RNLS: variants seen among roughly 807,000 people sequenced by gnomAD.
RNLS encodes renalase.
A neutral mutation model predicts 39.8 loss-of-function variants in RNLS; 39 were observed. The ratio of observed to expected loss-of-function variants is 0.98; its 90% CI spans 0.76 to 1.28. RNLS has a LOEUF of 1.28. Among genes scored for constraint, RNLS ranks in the 50% most tolerant of loss-of-function variants. The probability of loss-of-function intolerance (pLI) is 0.00; values close to 1 mark genes in which losing one functional copy is unlikely to be tolerated. For synonymous variants in RNLS, 147 were observed against 150.7 expected (o/e 0.98, Z 0.18); for missense variants, 410 against 413.3 (o/e 0.99, Z 0.07).
intron 4 of RNLS, among the ~76,000 whole-genome samples, chr10:88,495,395 A>T (rs1234452099): frequency 1.3e-5 from 2 of 152,166 alleles, no homozygotes; most frequent in Non-Finnish European, 2.9e-5. Flanking sequence ...TATGACAAGG[A>T]GGCTTTGGGT....
the RNLS span, among the ~76,000 whole-genome samples, chr10:88,238,713 A>AT: frequency 2.6e-5 from 4 of 152,200 alleles, no homozygotes; most frequent in African/African-American, 7.2e-5. Context: ...TGGAGCCAAC[A>AT]TGTTTTATGA....
chr10:88,566,936 C>T (rs1849533920), intron 4 of RNLS, among the ~76,000 whole-genome samples: 1 of 151,342 alleles, frequency 6.6e-6, no homozygotes, highest in Non-Finnish European at 1.5e-5. Flanking sequence ...TTACTGGGCT[C>T]AAAGATAAAA....
At chr10:88,257,326 G>A in the RNLS span, among the ~76,000 whole-genome samples, 1 of 152,202 alleles carries the variant, frequency 6.6e-6, no homozygotes, top group African/African-American at 2.4e-5. Context: ...CATGTCAGGA[G>A]AATGGTAGGA....
chr10:88,183,894 G>A, the RNLS span, among the ~76,000 whole-genome samples: 300 of 152,220 alleles, frequency 2.0e-3, 2 homozygotes, highest in South Asian at 6.6e-3. Context: ...AGACTTTTGC[G>A]GATCAACTAG....
chr10:88,415,984 T>C (rs1853999214), intron 4 of RNLS, among the ~76,000 whole-genome samples: 1 of 152,184 alleles, frequency 6.6e-6, no homozygotes. Context: ...CCTTCCACTT[T>C]CAGTGTTCTG....
At chr10:88,529,058 T>A (rs1197834586) in intron 4 of RNLS, among the ~76,000 whole-genome samples, 1 of 152,172 alleles carries the variant, frequency 6.6e-6, no homozygotes, top group Non-Finnish European at 1.5e-5. Context: ...CACTGTTATT[T>A]GAGTGGATTG....
intron 4 of RNLS, among the ~76,000 whole-genome samples, chr10:88,514,505 A>C (rs1388635223): frequency 6.6e-6 from 1 of 152,134 alleles, no homozygotes; most frequent in African/African-American, 2.4e-5. Context: ...CTGTACAGCC[A>C]ATCTCTAGAA....
chr10:88,174,691 G>T, the RNLS span, among the ~76,000 whole-genome samples: 1 of 152,106 alleles, frequency 6.6e-6, no homozygotes, highest in African/African-American at 2.4e-5. Context: ...TTGCAGCTAC[G>T]TTCATCAGGC....
At chr10:88,225,933 C>T in the RNLS span, among the ~76,000 whole-genome samples, 34 of 151,512 alleles carry the variant, frequency 2.2e-4, no homozygotes, top group South Asian at 7.1e-3. Flanking sequence ...TTTCATCTCA[C>T]TAAGAACTAG....
chr10:88,306,417 TACAC>T (rs1844921034), intron 6 of RNLS, among the ~76,000 whole-genome samples: 2 of 151,686 alleles, frequency 1.3e-5, no homozygotes, highest in African/African-American at 4.8e-5. Flanking sequence ...ATTAATAAAA[TACAC>T]AGACTGCTAG....
chr10:88,245,373 G>T, the RNLS span, among the ~76,000 whole-genome samples: 1 of 152,210 alleles, frequency 6.6e-6, no homozygotes, highest in Non-Finnish European at 1.5e-5. Flanking sequence ...GAGCTAGGCA[G>T]AATGATCTCA....
the RNLS span, among the ~76,000 whole-genome samples, chr10:88,265,843 C>T: frequency 6.6e-6 from 1 of 152,162 alleles, no homozygotes; most frequent in Non-Finnish European, 1.5e-5. Flanking sequence ...ATTTGTCTTT[C>T]CCTTTTGAGT....
At chr10:88,523,501 C>G (rs1846887493) in intron 4 of RNLS, among the ~76,000 whole-genome samples, 2 of 152,104 alleles carry the variant, frequency 1.3e-5, no homozygotes, top group Admixed American at 6.6e-5. Context: ...CTTCCTTTCT[C>G]CTTTAGGAGC....
rs768939981 is a variant in RNLS, at chr10:88,524,956, C to CACACATATATATAT, written c.526+47946_526+47947insATATATATATGTGT. Among the ~76,000 whole-genome samples, 5 of 76,282 alleles carry CACACATATATATAT rather than the reference C, an allele frequency of 6.6e-5. No individual in the cohort carries two copies. In the East Asian group the frequency reaches 2.3e-3, roughly 36 times the overall value. The allele number at this position is 76,282 out of a possible 152,430, so 50.0% of individuals were successfully genotyped here. On this transcript the variant is annotated intron_variant, in intron 4 of 6. Transcript: ENST00000331772. ...CATATATATATATATATGGCACACACATACATATATATATATATATATATA... is the reference window on the plus strand; with the variant it reads ...CATATATATATATATATGGCACACACACACATATATATATATACATATATATATATATATATATA...
At chr10:88,402,710 G>A (rs1853008588) in intron 4 of RNLS, among the ~76,000 whole-genome samples, 1 of 151,872 alleles carries the variant, frequency 6.6e-6, no homozygotes, top group South Asian at 2.1e-4. Context: ...TTTATAGAAT[G>A]TTCTAGAAAA....
At chr10:88,504,438 A>G (rs1451766395) in intron 4 of RNLS, among the ~76,000 whole-genome samples, 1 of 152,120 alleles carries the variant, frequency 6.6e-6, no homozygotes, top group Non-Finnish European at 1.5e-5. Context: ...TTATATTTTT[A>G]TTTACTTTTA....
intron 4 of RNLS, among the ~76,000 whole-genome samples, chr10:88,461,321 G>T (rs1842925529): frequency 1.3e-5 from 2 of 152,210 alleles, no homozygotes; most frequent in South Asian, 4.1e-4. Flanking sequence ...GCATGAAATT[G>T]CTAACCATTC....
chr10:88,497,968 AG>A (rs1465987616), intron 4 of RNLS, among the ~76,000 whole-genome samples: 1 of 151,948 alleles, frequency 6.6e-6, no homozygotes, highest in Non-Finnish European at 1.5e-5. Flanking sequence ...AAAAAGTCCT[AG>A]TCAAGAGCAT....
rs1467547052 is a variant in RNLS at position 88,468,468 on chromosome 10, C to A, written c.526+104435G>T. ...CTAGTCAACATGATTTATAATAAAA[C>A]TGACCCTGGATTGGTAAGTGGCATC... On this transcript the variant is annotated intron_variant, in intron 4 of 6. Transcript: ENST00000331772. 2.0e-5 allele frequency among the ~76,000 whole-genome samples: 3 copies of A among 152,144 alleles called. No individual in the cohort carries two copies. In the East Asian group the frequency reaches 5.8e-4, roughly 29 times the overall value.
Sources: gnomAD v4.1 joint callset for allele counts (sites outside exome capture counted in the v4.1 genomes callset) on GRCh38, gnomAD v4.1.1 for gene constraint, MANE v1.5 for transcripts, NCBI Gene and HGNC (gene_info 2026-07-23, HGNC 2026-07-21) for gene names.